Variants in RYR3 observed in about 807,000 individuals in gnomAD.
The protein encoded by RYR3 is brain ryanodine receptor-calcium release channel.
A neutral mutation model predicts 584.3 loss-of-function variants in RYR3; 207 were observed. The observed-to-expected ratio is 0.35, with a 90% CI of 0.32 to 0.40. The LOEUF (loss-of-function observed/expected upper bound fraction) is 0.40. RYR3 is among the 10% of genes least tolerant of loss of function. The pLI is 1.00. For synonymous variants in RYR3, 2,416 were observed against 2,248.5 expected (o/e 1.07, Z -2.11); for missense variants, 5,616 against 6,089.2 (o/e 0.92, Z 2.59).
At chr15:33,320,985 G>C (rs745781079) in intron 1 of RYR3, among the ~76,000 whole-genome samples, 9 of 152,158 alleles carry the variant, frequency 5.9e-5, no homozygotes, top group African/African-American at 2.2e-4. Context: ...ATGGAAATGA[G>C]CCTGCAATGT....
intron 52 of RYR3, among the ~76,000 whole-genome samples, chr15:33,745,757 G>A (rs2070635956): frequency 6.6e-6 from 1 of 152,140 alleles, no homozygotes; most frequent in South Asian, 2.1e-4. Context: ...TGCGAGGGGA[G>A]TACTCTAACC....
intron 3 of RYR3, among the ~76,000 whole-genome samples, chr15:33,507,953 T>C (rs954597571): frequency 6.6e-6 from 1 of 152,332 alleles, no homozygotes; most frequent in Non-Finnish European, 1.5e-5. Flanking sequence ...CCTCCTGTTA[T>C]ACGGATCCTT....
chr15:33,433,157 C>G (rs558442889), intron 1 of RYR3, among the ~76,000 whole-genome samples: 106 of 152,188 alleles, frequency 7.0e-4, no homozygotes, highest in Admixed American at 2.7e-3. Context: ...TGTATGTATT[C>G]AGGTATGTAT....
chr15:33,687,606 G>T (rs957690203), intron 38 of RYR3, among the ~76,000 whole-genome samples: 15 of 152,136 alleles, frequency 9.9e-5, no homozygotes, highest in African/African-American at 3.6e-4. Context: ...ACATTGCCAA[G>T]ACAGTCCTAA....
At position 33,805,597 on chromosome 15, in the gene RYR3, C is replaced by T. The variant is rs568998643; in HGVS notation, c.10012-1958C>T. On this transcript the variant is annotated intron_variant, in intron 69 of 103. Coordinates refer to ENST00000634891, the MANE Select transcript of RYR3 (RefSeq NM_001036.6). ...GGTTCACACCATTCTCCTGCCTCAG[C>T]CTCCCAAGTAGCTGGGACTACAGGT... Among the ~76,000 whole-genome samples, 1,153 of 152,044 alleles carry T rather than the reference C, an allele frequency of 7.6e-3. 13 individuals carry two copies. Among genetic ancestry groups the T allele is most frequent in the African/African-American group, 0.024 (1,012 of 41,424 alleles).
At position 33,566,795 on chromosome 15, in the gene RYR3, G is replaced by A; in HGVS notation, c.1264G>A (p.Val422Ile). The A allele has an allele frequency of 6.2e-7, 1 of 1,613,678 alleles. No individual in the cohort carries two copies. Among genetic ancestry groups the A allele is most frequent in the Non-Finnish European group, 8.5e-7 (1 of 1,179,668 alleles). Residue 422 changes from valine (V) to isoleucine (I), a missense_variant, in exon 12 of 104, where the codon GTC (valine) becomes ATC (isoleucine). This residue lies in a region of RYR3 where 1,284 missense variants were observed against 1,344.6 expected (regional missense o/e 0.95). Coordinates refer to ENST00000634891, the MANE Select transcript of RYR3 (RefSeq NM_001036.6). Reference sequence around the variant, plus strand: ...CACTACAGCCTTATTCAGCCAGTTTGTCAGGTATGTTAGCTCCTTTCCTCC... The same window carrying A: ...CACTACAGCCTTATTCAGCCAGTTTATCAGGTATGTTAGCTCCTTTCCTCC... ...RNTTALFSQF[V>I]SGNNRTAAPI...
chr15:33,386,324 A>G (rs1222635649), intron 1 of RYR3, among the ~76,000 whole-genome samples: 1 of 152,212 alleles, frequency 6.6e-6, no homozygotes, highest in Non-Finnish European at 1.5e-5. Context: ...CAAATACAGA[A>G]CAACTCATAA....
chr15:33,629,490 A>T (rs1236474721), intron 21 of RYR3, among the ~76,000 whole-genome samples: 1 of 152,148 alleles, frequency 6.6e-6, no homozygotes, highest in African/African-American at 2.4e-5. Flanking sequence ...TTTCTTTTTG[A>T]TTTTCTAATG....
In RYR3 at chr15:33,722,773, G is replaced by A; in HGVS notation, c.6678G>A (p.Glu2226=). The change falls in exon 44 of 104, where the codon GAG becomes GAA. Residue 2226 remains glutamate (E), a synonymous_variant. Coordinates refer to ENST00000634891, the MANE Select transcript of RYR3 (RefSeq NM_001036.6). ...TCAAGCTGCTCATCAGACGCCCAGA[G>A]TGCTTCGGCCCGGCCCTGCGGGGTG... The part of the protein sequence containing the change: ...VVVKLLIRRP[E]CFGPALRGEG... 2 of 1,613,494 alleles carry A rather than the reference G, an allele frequency of 1.2e-6. No homozygotes were observed. The highest frequency in any genetic ancestry group is 1.7e-6 in the Non-Finnish European group (2 of 1,179,728).
intron 94 of RYR3, 54 bp downstream of exon 94, chr15:33,848,475 AGAGT>A (rs932243059): frequency 4.5e-6 from 7 of 1,547,274 alleles, no homozygotes; most frequent in Middle Eastern, 2.1e-4. Flanking sequence ...TACTGTAAAT[AGAGT>A]AACTCTTTCC....
At chr15:33,668,992 A>G (rs1458452288) in intron 36 of RYR3, among the ~76,000 whole-genome samples, 1 of 152,210 alleles carries the variant, frequency 6.6e-6, no homozygotes, top group African/African-American at 2.4e-5. Context: ...TTCAAGTAAC[A>G]TTAAGTGGAA....
intron 12 of RYR3, among the ~76,000 whole-genome samples, chr15:33,572,331 C>A (rs192149468): frequency 1.6e-4 from 24 of 152,182 alleles, no homozygotes; most frequent in Non-Finnish European, 5.9e-5. Context: ...TGAAGGACTT[C>A]CCTTAGTATT....
rs1363558492 is a variant in RYR3 at position 33,670,468 on chromosome 15, A to G, written c.5772A>G (p.Thr1924=). The G allele has an allele frequency of 6.2e-7, 1 of 1,611,788 alleles. No homozygotes were observed. The highest frequency in any genetic ancestry group is 8.5e-7 in the Non-Finnish European group (1 of 1,179,174). The part of the protein sequence containing the change: ...EEEEEEDTSW[T]GKLCALVYKI... ...AGGAGGAGGAGGACACCTCCTGGAC[A>G]GGAAAACTCTGTGCCTTGGTTTACA... The change falls in exon 38 of 104, where the codon ACA becomes ACG. Residue 1924 remains threonine, a synonymous_variant. Coordinates refer to ENST00000634891, the MANE Select transcript of RYR3 (RefSeq NM_001036.6).
Position 33,390,867 on chromosome 15 carries a change from T to C in RYR3, c.51+79771T>C, listed in dbSNP as rs144040882. Among the ~76,000 whole-genome samples, 16 of 152,246 alleles carry C rather than the reference T, an allele frequency of 1.1e-4. No homozygotes were observed. Among genetic ancestry groups the C allele is most frequent in the African/African-American group, 3.6e-4 (15 of 41,550 alleles). ...GAGACATTGCACACAGTACTGTACT[T>C]TCAGTTGCTGGAGAAAGGAACATGC... On this transcript the variant is annotated intron_variant, in intron 1 of 103. Transcript: ENST00000634891. The surrounding 1 kb of genome is among the most constrained non-coding windows in gnomAD (Gnocchi z 4.2).
Position 33,404,502 on chromosome 15 carries a change from A to C in RYR3, c.52-68917A>C, listed in dbSNP as rs549128798. Reference sequence around the variant, plus strand: ...GGTTGTTTATGGCAGAACTACTATCATTGAAATAGCTAATCCAACTAGCAT... The same window carrying C: ...GGTTGTTTATGGCAGAACTACTATCCTTGAAATAGCTAATCCAACTAGCAT... On this transcript the variant is annotated intron_variant, in intron 1 of 103. Transcript: ENST00000634891. Among the ~76,000 whole-genome samples, 15 of 152,082 alleles carry C rather than the reference A, an allele frequency of 9.9e-5. 1 individual carries two copies. Among genetic ancestry groups the C allele is most frequent in the Non-Finnish European group, 1.5e-5 (1 of 68,004 alleles).
In RYR3 at chr15:33,865,662, CAGTCTAATTTTTCCCATGGTACTTGCT is replaced by C. The variant is rs1890263890; in HGVS notation, c.*440_*466del. ...AACTCACTCCAAAAGATAATAACTG[CAGTCTAATTTTTCCCATGGTACTTGCT>C]AGTGACTGTATCCAGAAAAGCTTTA... On this transcript the variant is annotated 3_prime_UTR_variant, in exon 104 of 104. Coordinates refer to ENST00000634891, the MANE Select transcript of RYR3 (RefSeq NM_001036.6). 6.4e-6 allele frequency: 1 copy of C among 156,778 alleles called. No homozygotes were observed. The highest frequency in any genetic ancestry group is 2.4e-5 in the African/African-American group (1 of 41,350). The allele number at this position is 156,778 out of a possible 1,614,324, so 9.7% of individuals were successfully genotyped here. A position where few individuals can be genotyped will look rare whatever the true frequency, so the allele number is the denominator to read the frequency against.
intron 16 of RYR3, among the ~76,000 whole-genome samples, chr15:33,591,404 A>T (rs746954302): frequency 5.9e-5 from 9 of 152,118 alleles, no homozygotes; most frequent in Non-Finnish European, 7.4e-5. Context: ...TCATAGCGCC[A>T]AGCTAAGATG....
chr15:33,780,227 G>A lies in RYR3; in HGVS notation c.9154G>A (p.Gly3052Arg), dbSNP rs753078313. ...IYVERQRPAL[G>R]ECLASLAAAI... ...TGTTTCCAGGCAACGCCCTGCCCTTGGAGAATGTCTGGCCTCGCTGGCAGC... is the reference window on the plus strand; with the variant it reads ...TGTTTCCAGGCAACGCCCTGCCCTTAGAGAATGTCTGGCCTCGCTGGCAGC... The change falls in exon 65 of 104, where the codon GGA becomes AGA. Residue 3052 changes from glycine (G) to arginine (R), a missense_variant. By Grantham distance (125) the Gly-to-Arg change is moderately radical. Around this residue, in one of 9 missense-constraint regions of RYR3, gnomAD observed 954 missense variants for 1,132.2 expected, o/e 0.84. Transcript: ENST00000634891. 1.2e-6 allele frequency: 2 copies of A among 1,613,886 alleles called. No homozygotes were observed. Among genetic ancestry groups the A allele is most frequent in the East Asian group, 2.2e-5 (1 of 44,874 alleles).
intron 86 of RYR3, among the ~76,000 whole-genome samples, chr15:33,833,724 T>C (rs2152974876): frequency 6.6e-6 from 1 of 152,322 alleles, no homozygotes; most frequent in South Asian, 2.1e-4. Context: ...ACAGAAAGAA[T>C]CTAATGGTTT....
Sources: gnomAD v4.1 joint callset for allele counts (sites outside exome capture counted in the v4.1 genomes callset) on GRCh38, gnomAD v4.1.1 for gene constraint, gnomAD v4.1.1 regional missense constraint, Gnocchi (gnomAD v3.1) non-coding constraint, MANE v1.5 for transcripts, NCBI Gene and HGNC (gene_info 2026-07-23, HGNC 2026-07-21) for gene names.